Variants in GBF1 observed in about 807,000 individuals in gnomAD.
GBF1 encodes golgi brefeldin A resistant guanine nucleotide exchange factor 1.
GBF1 carries 114 observed loss-of-function variants against 210.5 expected under a neutral mutation model. The ratio of observed to expected loss-of-function variants is 0.54; its 90% CI spans 0.47 to 0.63. The LOEUF is 0.63. Ranked by LOEUF, GBF1 falls within the 30% of genes least tolerant of loss-of-function variation. GBF1 has a pLI of 0.00. For missense variants in GBF1, 1,851 were observed against 2,357.7 expected (o/e 0.79, Z 4.45); for synonymous variants, 850 against 889.2 (o/e 0.96, Z 0.78).
At chr10:102,230,912 G>C in the GBF1 span, 1 of 1,612,150 alleles carries the variant, frequency 6.2e-7, no homozygotes, top group Admixed American at 1.7e-5. Context: ...AAGGCGAATG[G>C]AAAGGTCTTG....
intron 3 of GBF1, among the ~76,000 whole-genome samples, chr10:102,337,195 G>A (rs750394122): frequency 1.3e-5 from 2 of 151,686 alleles, no homozygotes; most frequent in African/African-American, 2.4e-5. Flanking sequence ...TGGCTAACGC[G>A]GCGAAACCCC....
intron 3 of GBF1, among the ~76,000 whole-genome samples, chr10:102,268,150 C>G (rs1032210687): frequency 6.6e-6 from 1 of 152,184 alleles, no homozygotes; most frequent in African/African-American, 2.4e-5. Context: ...CCAAGAAGTT[C>G]TTCCAAACAT....
rs2059965808 is a variant in GBF1 at position 102,367,291 on chromosome 10, G to T, written c.2559+81G>T. 5 of 1,446,264 alleles carry T rather than the reference G, an allele frequency of 3.5e-6. No individual in the cohort carries two copies. The South Asian group carries it at 4.7e-5, about 14-fold the overall frequency. 89.6% of individuals were successfully genotyped at this position (1,446,264 alleles called of 1,614,324 possible). On this transcript the variant is annotated intron_variant, in intron 20 of 39. Transcript: ENST00000369983. Reference sequence around the variant, plus strand: ...AGGAAGGACATAGGATTTCCAGTGGGCATGATGGATGGGGTTCTGTCCAAG... The same window carrying T: ...AGGAAGGACATAGGATTTCCAGTGGTCATGATGGATGGGGTTCTGTCCAAG...
At chr10:102,371,483 C>CT (rs1474213014) in intron 29 of GBF1, among the ~76,000 whole-genome samples, 1 of 152,184 alleles carries the variant, frequency 6.6e-6, no homozygotes, top group African/African-American at 2.4e-5. Context: ...AACATAGTAA[C>CT]TTTGTCACTT....
At chr10:102,334,580 G>A (rs1589675364) in intron 3 of GBF1, among the ~76,000 whole-genome samples, 2 of 152,144 alleles carry the variant, frequency 1.3e-5, no homozygotes, top group African/African-American at 4.8e-5. Context: ...TGGGCGCAGT[G>A]GTTCATCCCT....
intron 4 of GBF1, among the ~76,000 whole-genome samples, chr10:102,349,523 G>A (rs2058793345): frequency 6.6e-6 from 1 of 152,168 alleles, no homozygotes; most frequent in Admixed American, 6.6e-5. Context: ...ATGACAGAGT[G>A]AGACTCTGTC....
chr10:102,351,599 C>T (rs977106952), intron 5 of GBF1, among the ~76,000 whole-genome samples: 8 of 152,058 alleles, frequency 5.3e-5, no homozygotes, highest in African/African-American at 1.9e-4. Flanking sequence ...GCCTTAAATA[C>T]ACTTGTACCT....
intron 3 of GBF1, among the ~76,000 whole-genome samples, chr10:102,264,267 G>A (rs1223348314): frequency 1.3e-5 from 2 of 152,158 alleles, no homozygotes; most frequent in African/African-American, 4.8e-5. Context: ...AGTCACTGCT[G>A]TGCTTTGGAC....
upstream of GBF1, among the ~76,000 whole-genome samples, chr10:102,243,596 T>C (rs535037798): frequency 2.0e-5 from 3 of 152,322 alleles, no homozygotes; most frequent in African/African-American, 7.2e-5. Flanking sequence ...CAATCGGCTT[T>C]CCAGGACCTC....
intron 3 of GBF1, among the ~76,000 whole-genome samples, chr10:102,273,524 T>A (rs1264978935): frequency 1.3e-5 from 2 of 152,216 alleles, no homozygotes; most frequent in Non-Finnish European, 2.9e-5. Flanking sequence ...GTTTGTGATG[T>A]ACTCCTGTTC....
intron 30 of GBF1, 112 bp downstream of exon 30, chr10:102,375,696 G>C: frequency 1.4e-6 from 1 of 690,348 alleles, no homozygotes; most frequent in South Asian, 1.7e-5. Flanking sequence ...AACAGCCCTG[G>C]CTCCTGCCAT....
intron 3 of GBF1, among the ~76,000 whole-genome samples, chr10:102,306,265 T>A (rs889925456): frequency 2.0e-5 from 3 of 152,148 alleles, no homozygotes; most frequent in Admixed American, 6.5e-5. Flanking sequence ...TCCCCTTAAT[T>A]CAGTTTTAAT....
At chr10:102,323,239 G>GA (rs775888621) in intron 3 of GBF1, among the ~76,000 whole-genome samples, 6,461 of 65,690 alleles carry the variant, frequency 0.098, 216 homozygotes, top group African/African-American at 0.11. Context: ...CTCCAAAATT[G>GA]AAAAAAAAAA....
intron 3 of GBF1, among the ~76,000 whole-genome samples, chr10:102,296,520 A>C (rs1010404126): frequency 2.6e-5 from 4 of 151,602 alleles, no homozygotes; most frequent in African/African-American, 9.7e-5. Flanking sequence ...CAAGGCGGGT[A>C]GATCATGAGG....
At chr10:102,337,095 C>T (rs1012960492) in intron 3 of GBF1, among the ~76,000 whole-genome samples, 4 of 151,190 alleles carry the variant, frequency 2.6e-5, no homozygotes, top group South Asian at 2.1e-4. Context: ...TGGGTCTGCA[C>T]GGGCTGGGCG....
At chr10:102,275,963 G>A (rs927598397) in intron 3 of GBF1, among the ~76,000 whole-genome samples, 3 of 152,190 alleles carry the variant, frequency 2.0e-5, no homozygotes, top group Non-Finnish European at 1.5e-5. Context: ...TGGGCTGGGC[G>A]TGGTGGCTCA....
intron 4 of GBF1, among the ~76,000 whole-genome samples, chr10:102,349,788 G>A (rs1258477493): frequency 1.3e-5 from 2 of 152,090 alleles, no homozygotes; most frequent in Non-Finnish European, 2.9e-5. Context: ...AACTTATTTG[G>A]CTATTTCTCG....
intron 3 of GBF1, among the ~76,000 whole-genome samples, chr10:102,331,415 C>T (rs1233659864): frequency 6.6e-6 from 1 of 151,818 alleles, no homozygotes; most frequent in Non-Finnish European, 1.5e-5. Context: ...TTAAATGTAA[C>T]CTCAAGGTGT....
chr10:102,289,244 G>C (rs559106161), intron 3 of GBF1, among the ~76,000 whole-genome samples: 3 of 152,196 alleles, frequency 2.0e-5, no homozygotes, highest in Admixed American at 6.5e-5. Context: ...TCTGTGTTTG[G>C]TAATCATTCC....
Sources: gnomAD v4.1 joint callset for allele counts (sites outside exome capture counted in the v4.1 genomes callset) on GRCh38, gnomAD v4.1.1 for gene constraint, MANE v1.5 for transcripts, NCBI Gene and HGNC (gene_info 2026-07-23, HGNC 2026-07-21) for gene names.